Variants in AGBL4 observed in about 807,000 individuals in gnomAD.
AGBL4 encodes the protein cytosolic carboxypeptidase 6.
AGBL4 carries 58 observed loss-of-function variants against 66.4 expected under a neutral mutation model. That is an observed-to-expected ratio of 0.87 (90% confidence interval 0.71 to 1.09). The LOEUF is 1.09. Among genes scored for constraint, AGBL4 ranks in the 50% least tolerant of loss-of-function variants. The pLI, the probability that AGBL4 is intolerant of heterozygous loss-of-function variation, is 0.00. For missense variants in AGBL4, 579 were observed against 631.0 expected, an observed-to-expected ratio of 0.92 and a Z score of 0.88; for synonymous variants, 234 against 222.9, an observed-to-expected ratio of 1.05 and a Z score of -0.44.
Position 48,837,678 on chromosome 1 carries a change from A to ACACACG in AGBL4, c.634+29512_634+29513insCGTGTG, listed in dbSNP as rs1256433243. On this transcript the variant is annotated intron_variant, in intron 6 of 13. Coordinates refer to ENST00000371839, the MANE Select transcript of AGBL4 (RefSeq NM_032785.4). The stretch of plus-strand genomic sequence containing the variant: ...TTACTTAATGAACACACACACACAC[A>ACACACG]CACACACACGCACACACACGCACAC... Among the ~76,000 whole-genome samples the ACACACG allele has an allele frequency of 5.1e-5, 7 of 137,754 alleles. No individual in the cohort carries two copies. The East Asian group carries it at 1.3e-3, about 25-fold the overall frequency. 90.4% of individuals were successfully genotyped at this position (137,754 alleles called of 152,430 possible).
At chr1:49,102,508 C>T (rs185838703) in intron 4 of AGBL4, among the ~76,000 whole-genome samples, 2 of 152,182 alleles carry the variant, frequency 1.3e-5, no homozygotes, top group South Asian at 2.1e-4. Context: ...TGTCTGTGTC[C>T]TATGAGTAAA....
chr1:49,606,682 A>T (rs1254618025), intron 3 of AGBL4, among the ~76,000 whole-genome samples: 1 of 152,022 alleles, frequency 6.6e-6, no homozygotes, highest in Non-Finnish European at 1.5e-5. Context: ...TATTATTCCC[A>T]TTTTATACAT....
rs142581234 is a variant in AGBL4 at position 49,068,982 on chromosome 1, T to G, written c.378-23182A>C. Among the ~76,000 whole-genome samples, 874 of 152,342 alleles carry G rather than the reference T, an allele frequency of 5.7e-3. 12 individuals are homozygous for G. Among genetic ancestry groups the G allele is most frequent in the African/African-American group, 0.02 (820 of 41,578 alleles). On this transcript the variant is annotated intron_variant, in intron 4 of 13. Coordinates refer to ENST00000371839, the MANE Select transcript of AGBL4 (RefSeq NM_032785.4). ...TGATTTGCATTTCTCTGATGACCAG[T>G]GATGATGAGCATTTTTTCATGTTTC...
In AGBL4 at chr1:49,697,346, G is replaced by C. The variant is rs1422387700; in HGVS notation, c.249C>G (p.Phe83Leu). 3 of 1,547,764 alleles carry C rather than the reference G, an allele frequency of 1.9e-6. No individual in the cohort carries two copies. In the Admixed American group the frequency reaches 5.9e-5, roughly 30 times the overall value. The change falls in exon 3 of 14, where the codon TTC becomes TTG. Residue 83 changes from phenylalanine to leucine, a missense_variant. Physicochemically the swap from Phe to Leu is conservative, Grantham distance 22. Transcript: ENST00000371839. ...CTTTCACATTTTCAACAGTAAAGTT[G>C]AACCAGACTCGGAAGCGTGGATTAC... The part of the protein sequence containing the change: ...DTCNPRFRVW[F>L]NFTVENVKES...
intron 3 of AGBL4, among the ~76,000 whole-genome samples, chr1:49,373,637 C>T (rs887356271): frequency 4.6e-5 from 7 of 152,000 alleles, no homozygotes; most frequent in African/African-American, 1.7e-4. Context: ...TATTACTATC[C>T]TCATTTTATG....
chr1:48,862,409 C>T (rs1284123125), intron 6 of AGBL4, among the ~76,000 whole-genome samples: 2 of 152,228 alleles, frequency 1.3e-5, no homozygotes, highest in African/African-American at 4.8e-5. Context: ...GCAAGCTCTG[C>T]CTCCCAGGTT....
At chr1:48,660,230 C>T (rs1436743832) in intron 7 of AGBL4, among the ~76,000 whole-genome samples, 2 of 152,214 alleles carry the variant, frequency 1.3e-5, no homozygotes, top group Non-Finnish European at 2.9e-5. Context: ...GCTACCCTTG[C>T]TGCCACCCCT....
intron 5 of AGBL4, among the ~76,000 whole-genome samples, chr1:49,024,530 A>C (rs1663494053): frequency 6.6e-6 from 1 of 152,142 alleles, no homozygotes; most frequent in Admixed American, 6.6e-5. Context: ...ATCTTGGACA[A>C]GTTACTTAAC....
intron 3 of AGBL4, among the ~76,000 whole-genome samples, chr1:49,506,782 A>C (rs1438027743): frequency 6.6e-6 from 1 of 152,062 alleles, no homozygotes; most frequent in African/African-American, 2.4e-5. Context: ...AATCAAAGTC[A>C]ATGTTGCCTA....
chr1:49,872,740 G>A (rs1320294040), intron 1 of AGBL4, among the ~76,000 whole-genome samples: 1 of 152,008 alleles, frequency 6.6e-6, no homozygotes, highest in Non-Finnish European at 1.5e-5. Flanking sequence ...ATGCAAATAA[G>A]CCAAGTATAA....
chr1:49,843,504 C>A (rs528840213), intron 2 of AGBL4, among the ~76,000 whole-genome samples: 7 of 152,298 alleles, frequency 4.6e-5, no homozygotes, highest in African/African-American at 1.7e-4. Flanking sequence ...ATGGCCTTGT[C>A]CATCTTCACA....
chr1:49,873,733 T>C (rs1012730061), intron 1 of AGBL4, among the ~76,000 whole-genome samples: 4 of 151,922 alleles, frequency 2.6e-5, no homozygotes, highest in Non-Finnish European at 4.4e-5. Flanking sequence ...AAAATCATCT[T>C]TGGAGAAAGG....
intron 4 of AGBL4, among the ~76,000 whole-genome samples, chr1:49,236,473 T>C (rs139608958): frequency 7.8e-4 from 119 of 152,300 alleles, no homozygotes; most frequent in African/African-American, 2.8e-3. Flanking sequence ...AATATTTGTA[T>C]GGTTTGGGGA....
intron 1 of AGBL4, among the ~76,000 whole-genome samples, chr1:49,917,445 T>C (rs1409511458): frequency 6.6e-6 from 1 of 152,042 alleles, no homozygotes; most frequent in Non-Finnish European, 1.5e-5. Flanking sequence ...TACTGTCCGA[T>C]AAAACAGACT....
intron 1 of AGBL4, among the ~76,000 whole-genome samples, chr1:49,879,046 A>T (rs1216487374): frequency 9.8e-6 from 1 of 101,582 alleles, no homozygotes; most frequent in African/African-American, 4.0e-5. Context: ...TTTTCAGCCT[A>T]TGTGTGTCTC....
At chr1:49,398,625 T>C (rs2148606601) in intron 3 of AGBL4, among the ~76,000 whole-genome samples, 2 of 152,282 alleles carry the variant, frequency 1.3e-5, no homozygotes, top group South Asian at 4.2e-4. Context: ...ACACATTCCC[T>C]TTATCAGTAA....
chr1:49,362,001 C>G (rs1418650354), intron 3 of AGBL4, among the ~76,000 whole-genome samples: 1 of 152,170 alleles, frequency 6.6e-6, no homozygotes, highest in Non-Finnish European at 1.5e-5. Context: ...TGTTTCTTCT[C>G]CATTTCCTCA....
rs79888134 is a variant in AGBL4 at position 49,772,222 on chromosome 1, C to T, written c.158-74785G>A. 4.5e-4 allele frequency among the ~76,000 whole-genome samples: 69 copies of T among 152,228 alleles called. No homozygotes were observed. The East Asian group carries it at 8.5e-3, about 19-fold the overall frequency. On this transcript the variant is annotated intron_variant, in intron 2 of 13. Coordinates refer to ENST00000371839, the MANE Select transcript of AGBL4 (RefSeq NM_032785.4). ...TATAACAGACTATTTTAAGCTGATACTGCCTTAACTTTGGTCACATAAAAA... is the reference window on the plus strand; with the variant it reads ...TATAACAGACTATTTTAAGCTGATATTGCCTTAACTTTGGTCACATAAAAA...
chr1:49,905,346 G>T (rs1420116372), intron 1 of AGBL4, among the ~76,000 whole-genome samples: 2 of 152,102 alleles, frequency 1.3e-5, no homozygotes, highest in African/African-American at 4.8e-5. Flanking sequence ...GGATCAAGAT[G>T]AAAAGTCTTT....
Sources: gnomAD v4.1 joint callset for allele counts (sites outside exome capture counted in the v4.1 genomes callset) on GRCh38, gnomAD v4.1.1 for gene constraint, MANE v1.5 for transcripts, NCBI Gene and HGNC (gene_info 2026-07-23, HGNC 2026-07-21) for gene names.